Variants in CRMP1 observed in about 807,000 individuals in gnomAD.
CRMP1 encodes the protein collapsin response mediator protein 1.
CRMP1 carries 19 observed loss-of-function variants against 68.3 expected under a neutral mutation model. The ratio of observed to expected loss-of-function variants is 0.28; its 90% CI spans 0.19 to 0.41. The LOEUF is 0.41. CRMP1 is among the 10% of genes least tolerant of loss of function. The pLI is 1.00. For synonymous variants in CRMP1, 439 were observed against 399.6 expected (o/e 1.10, Z -1.18); for missense variants, 791 against 967.4 (o/e 0.82, Z 2.42).
chr4:5,830,484 T>G (rs1560486617), intron 11 of CRMP1, among the ~76,000 whole-genome samples: 1 of 152,252 alleles, frequency 6.6e-6, no homozygotes, highest in Non-Finnish European at 1.5e-5. Flanking sequence ...TTCATAGCTT[T>G]ATTTTATCTT....
chr4:5,863,448 C>T (rs1457324851), intron 2 of CRMP1, among the ~76,000 whole-genome samples: 2 of 152,164 alleles, frequency 1.3e-5, no homozygotes, highest in African/African-American at 4.8e-5. Context: ...GCTTTACTGC[C>T]GCCCTGCTTC....
rs778079509 is a variant in CRMP1 at position 5,851,264 on chromosome 4, G to A, written c.882+144C>T. 25 of 755,030 alleles carry A rather than the reference G, an allele frequency of 3.3e-5. 1 individual carries two copies. Among genetic ancestry groups the A allele is most frequent in the South Asian group, 1.4e-4 (9 of 64,822 alleles). The allele number at this position is 755,030 out of a possible 1,614,324, so 46.8% of individuals were successfully genotyped here. On this transcript the variant is annotated intron_variant, in intron 5 of 13. Transcript: ENST00000324989. ...CCCAGCTGGGGCAATGACTGACACC[G>A]TATCACACAGCCATTCCATGCCAGA...
rs184708118 is a variant in CRMP1, at chr4:5,876,195, C to T, written c.382-9439G>A. ...TTGTTTCAAAACTTCTTCTTTTGGC[C>T]TTGCAGAGTCAAAATAATCATGACT... On this transcript the variant is annotated intron_variant, in intron 1 of 13. Transcript: ENST00000324989. Among the ~76,000 whole-genome samples, 65 of 152,110 alleles carry T rather than the reference C, an allele frequency of 4.3e-4. No individual in the cohort carries two copies. In the East Asian group the frequency reaches 0.012, roughly 28 times the overall value.
intron 11 of CRMP1, among the ~76,000 whole-genome samples, chr4:5,835,291 G>A (rs542374630): frequency 6.6e-6 from 1 of 152,232 alleles, no homozygotes; most frequent in Non-Finnish European, 1.5e-5. Context: ...GGCCATGCAG[G>A]AGGGTGTTAA....
Position 5,824,582 on chromosome 4 carries a change from C to T in CRMP1, c.1969+912G>A, listed in dbSNP as rs1465099982. On this transcript the variant is annotated intron_variant, in intron 13 of 13. Transcript: ENST00000324989. ...AGCAAACGGGTCCATTGACCAAATC[C>T]GGCCCACCGCCTGTTTCTGTACGAT... 15 of 963,088 alleles carry T rather than the reference C, an allele frequency of 1.6e-5. No individual in the cohort carries two copies. In the South Asian group the frequency reaches 2.9e-4, roughly 18 times the overall value. The allele number at this position is 963,088 out of a possible 1,614,324, so 59.7% of individuals were successfully genotyped here.
At chr4:5,862,262 C>T (rs931739936) in intron 2 of CRMP1, among the ~76,000 whole-genome samples, 13 of 147,840 alleles carry the variant, frequency 8.8e-5, no homozygotes, top group Non-Finnish European at 1.8e-4. Flanking sequence ...TTATACTAAC[C>T]GATCCCTTAC....
chr4:5,835,972 G>A lies in CRMP1; in HGVS notation c.1566C>T (p.Asp522=), dbSNP rs377701143. 2.1e-5 allele frequency: 33 copies of A among 1,598,394 alleles called. No individual in the cohort carries two copies. Among genetic ancestry groups the A allele is most frequent in the Admixed American group, 3.4e-5 (2 of 58,388 alleles). ...ACTTGTCGGGGTCCCAGATGACCAC[G>A]TCGGCATCCGAGCCCACGGCAATCC... The part of the protein sequence containing the change: ...KGRIAVGSDA[D]VVIWDPDKLK... The change falls in exon 11 of 14, where the codon GAC becomes GAT. Residue 522 remains aspartate (D), a synonymous_variant. Coordinates refer to ENST00000324989, the MANE Select transcript of CRMP1 (RefSeq NM_001014809.3).
chr4:5,888,485 G>GGAGGGCGGGAGAAGGAGGAGGGAGAGGC lies in CRMP1; in HGVS notation c.381+4076_381+4103dup, dbSNP rs1262760948. On this transcript the variant is annotated intron_variant, in intron 1 of 13. Transcript: ENST00000324989. The surrounding 1 kb of genome is among the most constrained non-coding windows in gnomAD (Gnocchi z 6.4). ...CTGCCAGCACCGCCCGGATCGGCGA[G>GGAGGGCGGGAGAAGGAGGAGGGAGAGGC]GAGGGCGGGAGAAGGAGGAGGGAGA... The GGAGGGCGGGAGAAGGAGGAGGGAGAGGC allele has an allele frequency of 9.9e-6, 12 of 1,206,046 alleles. No homozygotes were observed. In the African/African-American group the frequency reaches 1.3e-4, roughly 13 times the overall value. The allele number at this position is 1,206,046 out of a possible 1,614,324, so 74.7% of individuals were successfully genotyped here.
At chr4:5,863,105 TCTTTTTTTCC>T (rs1560509935) in intron 2 of CRMP1, among the ~76,000 whole-genome samples, 1 of 137,292 alleles carries the variant, frequency 7.3e-6, no homozygotes, top group African/African-American at 2.5e-5. Flanking sequence ...TGACCTTTTT[TCTTTTTTTCC>T]TTTTTTTTTT....
rs1041101660 is a variant in CRMP1 at position 5,855,779 on chromosome 4, T to C, written c.820+364A>G. Among the ~76,000 whole-genome samples the C allele has an allele frequency of 1.3e-5, 2 of 152,134 alleles. No individual in the cohort carries two copies. The highest frequency in any genetic ancestry group is 4.8e-5 in the African/African-American group (2 of 41,392). Reference sequence around the variant, plus strand: ...GCAGGCAGAGGAGAAAGGGCATTCATTCCTGGCAGGGGATCCACATGAGCA... The same window carrying C: ...GCAGGCAGAGGAGAAAGGGCATTCACTCCTGGCAGGGGATCCACATGAGCA... On this transcript the variant is annotated intron_variant, in intron 4 of 13. Transcript: ENST00000324989. The surrounding 1 kb of genome is among the most constrained non-coding windows in gnomAD (Gnocchi z 4.9).
chr4:5,866,827 T>A lies in CRMP1; in HGVS notation c.382-71A>T. ...GATAAAGTTTTTTCTTTTTAATTTT[T>A]AATATAAGAATTATCAAATATTTTC... is the stretch of plus-strand genomic sequence containing the variant. On this transcript the variant is annotated intron_variant, in intron 1 of 13. Transcript: ENST00000324989. This position sits in a 1 kb window ranked among gnomAD's most constrained non-coding sequence, Gnocchi z 5.9. 9.3e-7 allele frequency: 1 copy of A among 1,079,236 alleles called. No individual in the cohort carries two copies. The highest frequency in any genetic ancestry group is 1.3e-6 in the Non-Finnish European group (1 of 757,404). 66.9% of individuals were successfully genotyped at this position (1,079,236 alleles called of 1,614,324 possible). A position where few individuals can be genotyped will look rare whatever the true frequency, so the allele number is the denominator to read the frequency against.
At position 5,821,441 on chromosome 4, in the gene CRMP1, T is replaced by C; in HGVS notation, c.*319A>G. 2.8e-6 allele frequency: 1 copy of C among 358,338 alleles called. No homozygotes were observed. The highest frequency in any genetic ancestry group is 5.2e-6 in the Non-Finnish European group (1 of 193,324). 22.2% of individuals were successfully genotyped at this position (358,338 alleles called of 1,614,324 possible). A position where few individuals can be genotyped will look rare whatever the true frequency, so the allele number is the denominator to read the frequency against. ...TGCAAAGGAACCACCACTCAGAGAA[T>C]CATGGAGCCAGTGGAGTTAGAAGTG... On this transcript the variant is annotated 3_prime_UTR_variant, in exon 14 of 14. Transcript: ENST00000324989. The surrounding 1 kb of genome is among the most constrained non-coding windows in gnomAD (Gnocchi z 4.4).
At chr4:5,887,715 G>A in intron 1 of CRMP1, 1 of 985,404 alleles carries the variant, frequency 1.0e-6, no homozygotes. Flanking sequence ...CTGTCCCTAG[G>A]TCCGGACTTC....
Position 5,825,794 on chromosome 4 carries a change from C to T in CRMP1, c.1804-135G>A, listed in dbSNP as rs1489308775. Reference sequence around the variant, plus strand: ...TGTGCATGCACACACACACACAACACGCACACACGACAGGTGCACTTCACA... The same window carrying T: ...TGTGCATGCACACACACACACAACATGCACACACGACAGGTGCACTTCACA... On this transcript the variant is annotated intron_variant, in intron 12 of 13. Coordinates refer to ENST00000324989, the MANE Select transcript of CRMP1 (RefSeq NM_001014809.3). The surrounding 1 kb of genome is among the most constrained non-coding windows in gnomAD (Gnocchi z 4.4). 10 of 797,150 alleles carry T rather than the reference C, an allele frequency of 1.3e-5. No homozygotes were observed. The highest frequency in any genetic ancestry group is 1.8e-5 in the African/African-American group (1 of 55,310). 49.4% of individuals were successfully genotyped at this position (797,150 alleles called of 1,614,324 possible). A position where few individuals can be genotyped will look rare whatever the true frequency, so the allele number is the denominator to read the frequency against.
rs1400942100 is a variant in CRMP1 at position 5,854,331 on chromosome 4, A to C, written c.820+1812T>G. The stretch of plus-strand genomic sequence containing the variant: ...GTGCTCACTCCAGCCTCAACCTCCC[A>C]AACTCAAGCAATGCTCCTGCTCAGC... On this transcript the variant is annotated intron_variant, in intron 4 of 13. Coordinates refer to ENST00000324989, the MANE Select transcript of CRMP1 (RefSeq NM_001014809.3). The surrounding 1 kb of genome is among the most constrained non-coding windows in gnomAD (Gnocchi z 4.0). Among the ~76,000 whole-genome samples, 2 of 149,650 alleles carry C rather than the reference A, an allele frequency of 1.3e-5. No homozygotes were observed. The highest frequency in any genetic ancestry group is 6.7e-5 in the Admixed American group (1 of 14,968).
intron 2 of CRMP1, among the ~76,000 whole-genome samples, chr4:5,863,905 G>T (rs1002337543): frequency 7.9e-5 from 12 of 152,196 alleles, no homozygotes; most frequent in Admixed American, 2.6e-4. Flanking sequence ...AACACCCAAG[G>T]GCCCTGTGAG....
At chr4:5,835,883 TATCTC>T in intron 11 of CRMP1, 27 bp downstream of exon 11, 2 of 1,409,506 alleles carry the variant, frequency 1.4e-6, no homozygotes, top group Admixed American at 2.7e-5. Flanking sequence ...AAGAATCACT[TATCTC>T]AGCAGCACAA....
At chr4:5,856,071 A>T in intron 4 of CRMP1, 72 bp downstream of exon 4, 1 of 1,558,822 alleles carries the variant, frequency 6.4e-7, no homozygotes, top group South Asian at 1.2e-5. Flanking sequence ...GGGATTTTTC[A>T]CTCCACATAA....
At chr4:5,863,115 C>CT (rs35515710) in intron 2 of CRMP1, among the ~76,000 whole-genome samples, 17,131 of 140,006 alleles carry the variant, frequency 0.12, 1,297 homozygotes, top group African/African-American at 0.19. Flanking sequence ...TCTTTTTTTC[C>CT]TTTTTTTTTT....
Sources: allele counts gnomAD v4.1 joint callset (sites outside exome capture counted in the v4.1 genomes callset), GRCh38; gene constraint gnomAD v4.1.1; non-coding constraint Gnocchi (gnomAD v3.1); transcripts MANE v1.5; gene names NCBI Gene and HGNC (gene_info 2026-07-23, HGNC 2026-07-21).